ROR2: variants seen among roughly 807,000 people sequenced by gnomAD.
The protein encoded by ROR2 is tyrosine-protein kinase transmembrane receptor ROR2.
Under a neutral mutation model 74.9 loss-of-function variants are expected in ROR2, and 33 were observed. That is an observed-to-expected ratio of 0.44 (90% CI 0.33 to 0.59). The LOEUF (loss-of-function observed/expected upper bound fraction) is 0.59, where lower values mean the gene tolerates loss of function less well. Ranked by LOEUF, ROR2 falls within the 20% of genes least tolerant of loss-of-function variation. The probability of loss-of-function intolerance (pLI) is 0.02; values close to 1 mark genes in which losing one functional copy is unlikely to be tolerated. For synonymous variants in ROR2, 586 were observed against 558.7 expected, an observed-to-expected ratio of 1.05 and a Z score of -0.69; for missense variants, 1,216 against 1,313.8, an observed-to-expected ratio of 0.93 and a Z score of 1.15.
chr9:91,824,708 C>A (rs1286949893), intron 1 of ROR2, among the ~76,000 whole-genome samples: 1 of 152,180 alleles, frequency 6.6e-6, no homozygotes, highest in African/African-American at 2.4e-5. Context: ...GTATGCAACA[C>A]CCCCATTTCC....
intron 1 of ROR2, among the ~76,000 whole-genome samples, chr9:91,878,401 G>C (rs1830013133): frequency 6.6e-6 from 1 of 152,180 alleles, no homozygotes; most frequent in Non-Finnish European, 1.5e-5. Context: ...AGCCTTCCCA[G>C]CCTTGCCTGG....
chr9:91,762,431 A>G (rs1381349599), intron 2 of ROR2, among the ~76,000 whole-genome samples: 2 of 152,186 alleles, frequency 1.3e-5, no homozygotes, highest in Non-Finnish European at 2.9e-5. Flanking sequence ...CATATCTCCC[A>G]TATCTTTTTG....
intron 2 of ROR2, among the ~76,000 whole-genome samples, chr9:91,774,525 C>T (rs930755613): frequency 2.6e-5 from 4 of 152,060 alleles, no homozygotes; most frequent in Non-Finnish European, 2.9e-5. Context: ...ATGAAAACAC[C>T]GGGATTCGGT....
chr9:91,784,101 G>A (rs554904512), intron 1 of ROR2, among the ~76,000 whole-genome samples: 1 of 152,046 alleles, frequency 6.6e-6, no homozygotes, highest in African/African-American at 2.4e-5. Context: ...CACCATGCTT[G>A]ACCTGTCCAC....
At position 91,878,102 on chromosome 9, in the gene ROR2, G is replaced by A. The variant is rs115861331; in HGVS notation, c.97+71765C>T. 8.5e-3 allele frequency among the ~76,000 whole-genome samples: 1,297 copies of A among 152,252 alleles called. 17 individuals carry two copies. Among genetic ancestry groups the A allele is most frequent in the African/African-American group, 0.03 (1,256 of 41,536 alleles). ...TCCTCCAGCAAATGGAATATTTATA[G>A]CAGCTGAGAAATCCTTTCATTGCTA... On this transcript the variant is annotated intron_variant, in intron 1 of 8. Coordinates refer to ENST00000375708, the MANE Select transcript of ROR2 (RefSeq NM_004560.4).
chr9:91,830,720 C>G (rs2841690), intron 1 of ROR2, among the ~76,000 whole-genome samples: 151,481 of 152,192 alleles, frequency 1, 75,388 homozygotes, highest in East Asian at 1. Context: ...ATCCATCGTT[C>G]ATGGAAGTTT....
intron 1 of ROR2, among the ~76,000 whole-genome samples, chr9:91,872,715 T>C (rs770409496): frequency 2.0e-5 from 3 of 152,138 alleles, no homozygotes; most frequent in Non-Finnish European, 4.4e-5. Flanking sequence ...AATACAGAAA[T>C]ATGCAGAGTA....
At chr9:91,919,590 GTTTT>G (rs143540271) in intron 1 of ROR2, among the ~76,000 whole-genome samples, 1 of 151,422 alleles carries the variant, frequency 6.6e-6, no homozygotes, top group African/African-American at 2.4e-5. Flanking sequence ...CCTCATTTAG[GTTTT>G]TTTTTCTTTC....
At position 91,733,661 on chromosome 9, in the gene ROR2, A is replaced by G. The variant is rs1554753551; in HGVS notation, c.623-225T>C. 1.3e-5 allele frequency among the ~76,000 whole-genome samples: 2 copies of G among 152,028 alleles called. No homozygotes were observed. The highest frequency in any genetic ancestry group is 2.9e-5 in the Non-Finnish European group (2 of 67,982). ...TGCTCTGATTTGCAGCAGTCACAGA[A>G]AAGTCCCTGGTCCCAGGGCCTCACT... On this transcript the variant is annotated intron_variant, in intron 5 of 8. Transcript: ENST00000375708. This position sits in a 1 kb window ranked among gnomAD's most constrained non-coding sequence, Gnocchi z 5.7.
At chr9:91,739,632 C>T (rs1825152431) in intron 4 of ROR2, among the ~76,000 whole-genome samples, 2 of 151,804 alleles carry the variant, frequency 1.3e-5, no homozygotes, top group Non-Finnish European at 2.9e-5. Flanking sequence ...AAGACCTTCT[C>T]AAGCTTCTGC....
intron 7 of ROR2, among the ~76,000 whole-genome samples, chr9:91,727,995 TC>T (rs1837102893): frequency 6.6e-6 from 1 of 152,184 alleles, no homozygotes; most frequent in Admixed American, 6.5e-5. Flanking sequence ...AGGCAGGTGT[TC>T]CAGAAATCTT....
intron 1 of ROR2, among the ~76,000 whole-genome samples, chr9:91,941,277 G>T (rs950387868): frequency 6.6e-6 from 1 of 152,190 alleles, no homozygotes. Flanking sequence ...GATTACAGGC[G>T]TGAGCCACCG....
chr9:91,732,730 G>A (rs1000106541), intron 6 of ROR2, among the ~76,000 whole-genome samples: 7 of 152,160 alleles, frequency 4.6e-5, no homozygotes, highest in Non-Finnish European at 8.8e-5. Context: ...GCCCGAGTGC[G>A]TGCTGACCGT....
chr9:91,861,429 G>A (rs1829465558), intron 1 of ROR2, among the ~76,000 whole-genome samples: 1 of 152,174 alleles, frequency 6.6e-6, no homozygotes, highest in African/African-American at 2.4e-5. Flanking sequence ...ACAGATGAGT[G>A]GAATGGAGGT....
rs150661792 is a variant in ROR2 at position 91,726,610 on chromosome 9, C to T, written c.1317G>A (p.Pro439=). Residue 439 remains proline, a synonymous_variant, in exon 8 of 9, where the codon CCG becomes CCA. Coordinates refer to ENST00000375708, the MANE Select transcript of ROR2 (RefSeq NM_004560.4). ...GCGAGGCCATCAGCTGTCGCCGCTG[C>T]GGTGTGGACGCAGATGCCTTCTGCT... ...RNKQKASAST[P]QRRQLMASPS... is the part of the protein sequence containing the mutation. 1.1e-4 allele frequency: 182 copies of T among 1,613,712 alleles called. No individual in the cohort carries two copies. The highest frequency in any genetic ancestry group is 2.0e-4 in the East Asian group (9 of 44,878).
chr9:91,913,593 C>T (rs1295961267), intron 1 of ROR2, among the ~76,000 whole-genome samples: 1 of 152,182 alleles, frequency 6.6e-6, no homozygotes, highest in Non-Finnish European at 1.5e-5. Context: ...CTGGGACAAA[C>T]CCAGGTACCC....
intron 4 of ROR2, among the ~76,000 whole-genome samples, chr9:91,743,359 G>A (rs1055761529): frequency 6.6e-6 from 1 of 152,094 alleles, no homozygotes; most frequent in African/African-American, 2.4e-5. Context: ...ATCACTTGAG[G>A]TCAGGAGTTC....
chr9:91,885,090 C>G (rs1019540375), intron 1 of ROR2, among the ~76,000 whole-genome samples: 20 of 152,134 alleles, frequency 1.3e-4, no homozygotes, highest in African/African-American at 4.1e-4. Flanking sequence ...CATTGCAAAG[C>G]CAGCAGCTCT....
rs183976182 is a variant in ROR2 at position 91,723,125 on chromosome 9, G to A, written c.*537C>T. On this transcript the variant is annotated 3_prime_UTR_variant, in exon 9 of 9. Coordinates refer to ENST00000375708, the MANE Select transcript of ROR2 (RefSeq NM_004560.4). ...TTCCGACCCCAACAGGCAGCAGAGG[G>A]CAGCCTCCGTTCCAGCGAATCTTTG... 3.0e-3 allele frequency: 478 copies of A among 160,498 alleles called. 1 individual carries two copies. The highest frequency in any genetic ancestry group is 0.011 in the African/African-American group (454 of 41,706). 9.9% of individuals were successfully genotyped at this position (160,498 alleles called of 1,614,324 possible).
Sources: gnomAD v4.1 joint callset for allele counts (sites outside exome capture counted in the v4.1 genomes callset) on GRCh38, gnomAD v4.1.1 for gene constraint, Gnocchi (gnomAD v3.1) non-coding constraint, MANE v1.5 for transcripts, NCBI Gene and HGNC (gene_info 2026-07-23, HGNC 2026-07-21) for gene names.